ERBB4: variants seen among roughly 807,000 people sequenced by gnomAD.
ERBB4 encodes the protein receptor tyrosine-protein kinase erbB-4.
A neutral mutation model predicts 158.0 loss-of-function variants in ERBB4; 42 were observed. The observed-to-expected ratio is 0.27, with a 90% CI of 0.21 to 0.34. The LOEUF (loss-of-function observed/expected upper bound fraction) is 0.34. ERBB4 is among the 10% of genes least tolerant of loss of function. ERBB4 has a pLI of 1.00. For synonymous variants in ERBB4, 583 were observed against 558.7 expected (o/e 1.04, Z -0.61); for missense variants, 1,333 against 1,624.1 (o/e 0.82, Z 3.08).
chr2:212,059,326 T>G (rs934173380), intron 2 of ERBB4, among the ~76,000 whole-genome samples: 1 of 152,184 alleles, frequency 6.6e-6, no homozygotes, highest in Non-Finnish European at 1.5e-5. Context: ...TCCATTCTCA[T>G]GGATAGGAAG....
At position 211,542,290 on chromosome 2, in the gene ERBB4, T is replaced by A. The variant is rs962691224; in HGVS notation, c.2487+19613A>T. Among the ~76,000 whole-genome samples the A allele has an allele frequency of 2.0e-5, 3 of 152,000 alleles. No homozygotes were observed. In the East Asian group the frequency reaches 5.8e-4, roughly 30 times the overall value. Reference sequence around the variant, plus strand: ...AGAATGAAGCAGTCCTTTGTGGATATTCCTCCTCTAAACAAGTGAAGGAAA... The same window carrying A: ...AGAATGAAGCAGTCCTTTGTGGATAATCCTCCTCTAAACAAGTGAAGGAAA... On this transcript the variant is annotated intron_variant, in intron 20 of 27. Coordinates refer to ENST00000342788, the MANE Select transcript of ERBB4 (RefSeq NM_005235.3).
At chr2:212,028,314 C>T (rs540586198) in intron 2 of ERBB4, among the ~76,000 whole-genome samples, 20 of 152,064 alleles carry the variant, frequency 1.3e-4, no homozygotes, top group African/African-American at 4.3e-4. Context: ...ACGACCTAAG[C>T]GACTCACTAT....
rs71054190 is a variant in ERBB4, at chr2:212,286,594, C to CTTTTTTTTTT, written c.83-161701_83-161692dup. On this transcript the variant is annotated intron_variant, in intron 1 of 27. Coordinates refer to ENST00000342788, the MANE Select transcript of ERBB4 (RefSeq NM_005235.3). ...AATGAGATGATTACATAAGTGCTGA[C>CTTTTTTTTTT]TTTTTTTTTTTTTTTTTTTTTTTTT... is the stretch of plus-strand genomic sequence containing the variant. Among the ~76,000 whole-genome samples the CTTTTTTTTTT allele has an allele frequency of 5.4e-4, 30 of 55,538 alleles. 2 individuals are homozygous for CTTTTTTTTTT. The highest frequency in any genetic ancestry group is 1.6e-3 in the African/African-American group (28 of 17,244). The allele number at this position is 55,538 out of a possible 152,430, so 36.4% of individuals were successfully genotyped here.
chr2:212,336,785 C>T (rs747614672), intron 1 of ERBB4, among the ~76,000 whole-genome samples: 1 of 151,932 alleles, frequency 6.6e-6, no homozygotes, highest in Admixed American at 6.6e-5. Context: ...ATTAGGCTTC[C>T]CAAACGGAAA....
intron 1 of ERBB4, among the ~76,000 whole-genome samples, chr2:212,335,264 T>C (rs1463672091): frequency 1.3e-5 from 2 of 151,822 alleles, no homozygotes; most frequent in Non-Finnish European, 2.9e-5. Context: ...TAATTGAAAA[T>C]CCATATTATA....
chr2:212,277,031 C>G (rs1413548961), intron 1 of ERBB4, among the ~76,000 whole-genome samples: 2 of 151,818 alleles, frequency 1.3e-5, no homozygotes, highest in East Asian at 3.9e-4. Flanking sequence ...TCAGTGGCAC[C>G]TGGCTAAAAT....
At chr2:212,231,510 C>T (rs1480513702) in intron 1 of ERBB4, among the ~76,000 whole-genome samples, 1 of 152,154 alleles carries the variant, frequency 6.6e-6, no homozygotes, top group Non-Finnish European at 1.5e-5. Flanking sequence ...TTGTTAAATG[C>T]CTTCAAAGAA....
rs553973169 is a variant in ERBB4 at position 212,169,369 on chromosome 2, C to T, written c.83-44466G>A. Among the ~76,000 whole-genome samples the T allele has an allele frequency of 3.9e-5, 6 of 152,000 alleles. No individual in the cohort carries two copies. The South Asian group carries it at 1.0e-3, about 26-fold the overall frequency. ...ATAAGTTTATACATACACTTACAAC[C>T]ATTTGATTTTGGACAAACCTGACAA... On this transcript the variant is annotated intron_variant, in intron 1 of 27. Transcript: ENST00000342788.
At chr2:212,452,536 G>A (rs749418872) in intron 1 of ERBB4, among the ~76,000 whole-genome samples, 57 of 152,258 alleles carry the variant, frequency 3.7e-4, no homozygotes, top group Non-Finnish European at 6.6e-4. Flanking sequence ...ATAGGAATGC[G>A]TGGGATGACA....
At chr2:211,831,420 A>C (rs2077217663) in intron 3 of ERBB4, among the ~76,000 whole-genome samples, 1 of 152,132 alleles carries the variant, frequency 6.6e-6, no homozygotes, top group South Asian at 2.1e-4. Flanking sequence ...TGTCACCCCA[A>C]ATCACCACCA....
intron 1 of ERBB4, among the ~76,000 whole-genome samples, chr2:212,256,045 G>GT (rs1212971152): frequency 6.7e-6 from 1 of 150,180 alleles, no homozygotes; most frequent in Non-Finnish European, 1.5e-5. Context: ...TGTTACCCAG[G>GT]TTGTTCTTGA....
At chr2:212,147,649 T>G (rs181141520) in intron 1 of ERBB4, among the ~76,000 whole-genome samples, 81 of 152,290 alleles carry the variant, frequency 5.3e-4, no homozygotes, top group African/African-American at 1.8e-3. Context: ...TCAGCAGAAT[T>G]GAATAAATTG....
At chr2:212,390,833 A>T (rs1384900011) in intron 1 of ERBB4, among the ~76,000 whole-genome samples, 2 of 151,800 alleles carry the variant, frequency 1.3e-5, no homozygotes, top group African/African-American at 4.8e-5. Flanking sequence ...AAGGGACATT[A>T]ATTGTTTTCA....
intron 3 of ERBB4, among the ~76,000 whole-genome samples, chr2:211,807,898 G>A (rs954467485): frequency 2.0e-4 from 31 of 152,212 alleles, no homozygotes; most frequent in African/African-American, 6.7e-4. Flanking sequence ...ATTTTTTCAC[G>A]TGTCTGTTGG....
chr2:211,633,312 C>T (rs1010682607), intron 16 of ERBB4, among the ~76,000 whole-genome samples: 6 of 151,898 alleles, frequency 4.0e-5, no homozygotes, highest in Non-Finnish European at 8.8e-5. Flanking sequence ...TGAAAAGATT[C>T]GGTTTCCAAA....
At position 212,058,255 on chromosome 2, in the gene ERBB4, C is replaced by G. The variant is rs901103301; in HGVS notation, c.234+66497G>C. Among the ~76,000 whole-genome samples the G allele has an allele frequency of 4.6e-5, 7 of 152,320 alleles. No homozygotes were observed. In the East Asian group the frequency reaches 1.3e-3, roughly 29 times the overall value. ...ACTAAACCAGGAAGAAGTTGAATCT[C>G]TGAATAGACCCATAACAGGCTCTGA... On this transcript the variant is annotated intron_variant, in intron 2 of 27. Transcript: ENST00000342788.
intron 12 of ERBB4, among the ~76,000 whole-genome samples, chr2:211,683,128 T>G (rs935309711): frequency 4.0e-5 from 6 of 151,886 alleles, no homozygotes; most frequent in Non-Finnish European, 8.8e-5. Flanking sequence ...TCTGAAATAA[T>G]TGTATATTAA....
At chr2:211,632,241 T>A (rs1389558750) in intron 16 of ERBB4, among the ~76,000 whole-genome samples, 1 of 152,052 alleles carries the variant, frequency 6.6e-6, no homozygotes. Flanking sequence ...TGGAAAAAAA[T>A]TCTTCATTGT....
chr2:211,921,730 G>A (rs34765931), intron 3 of ERBB4, among the ~76,000 whole-genome samples: 16,722 of 151,942 alleles, frequency 0.11, 1,217 homozygotes, highest in African/African-American at 0.2. Flanking sequence ...CTGGAGTCAC[G>A]GCATAGTTTT....
Sources: gnomAD v4.1 joint callset for allele counts (sites outside exome capture counted in the v4.1 genomes callset) on GRCh38, gnomAD v4.1.1 for gene constraint, MANE v1.5 for transcripts, NCBI Gene and HGNC (gene_info 2026-07-23, HGNC 2026-07-21) for gene names.